The following RORB variants were observed in gnomAD, a reference collection of about 807,000 sequenced individuals.
RORB encodes the protein nuclear receptor ROR-beta.
Under a neutral mutation model 59.1 loss-of-function variants are expected in RORB, and 6 were observed. The observed-to-expected ratio is 0.10, with a 90% CI of 0.06 to 0.20. The LOEUF (loss-of-function observed/expected upper bound fraction) is 0.20. RORB is among the 10% of genes least tolerant of loss of function. The pLI is 1.00. For synonymous variants in RORB, 215 were observed against 204.5 expected (o/e 1.05, Z -0.44); for missense variants, 320 against 560.5 (o/e 0.57, Z 4.33).
intron 1 of RORB, among the ~76,000 whole-genome samples, chr9:74,610,612 G>A (rs1261701685): frequency 6.6e-6 from 1 of 152,110 alleles, no homozygotes; most frequent in East Asian, 1.9e-4. Context: ...ATTTGGGGGA[G>A]ACACACACAT....
chr9:74,598,025 A>G (rs914308444), intron 1 of RORB, among the ~76,000 whole-genome samples: 1 of 152,182 alleles, frequency 6.6e-6, no homozygotes, highest in African/African-American at 2.4e-5. Context: ...AGGTTAAATA[A>G]AATATATTAA....
At chr9:74,546,739 C>T (rs929937523) in intron 1 of RORB, among the ~76,000 whole-genome samples, 5 of 152,110 alleles carry the variant, frequency 3.3e-5, no homozygotes, top group African/African-American at 9.7e-5. Flanking sequence ...AATCAAAACC[C>T]ACCTAGAGAT....
At chr9:74,540,342 A>G (rs962993037) in intron 1 of RORB, among the ~76,000 whole-genome samples, 1 of 152,140 alleles carries the variant, frequency 6.6e-6, no homozygotes, top group East Asian at 1.9e-4. Context: ...GTGTAACCTC[A>G]GTCACATTAT....
At chr9:74,525,851 T>C (rs1158120413) in intron 1 of RORB, among the ~76,000 whole-genome samples, 1 of 151,946 alleles carries the variant, frequency 6.6e-6, no homozygotes, top group Non-Finnish European at 1.5e-5. Flanking sequence ...GATTTTCACG[T>C]AGAGCCAACG....
intron 1 of RORB, among the ~76,000 whole-genome samples, chr9:74,518,018 T>C (rs1415790420): frequency 6.6e-6 from 1 of 151,990 alleles, no homozygotes; most frequent in African/African-American, 2.4e-5. Flanking sequence ...AGATAGTATT[T>C]GAAGGAACTG....
At chr9:74,517,144 A>G (rs1256202107) in intron 1 of RORB, among the ~76,000 whole-genome samples, 2 of 151,998 alleles carry the variant, frequency 1.3e-5, no homozygotes, top group African/African-American at 2.4e-5. Context: ...TCAAAATTTC[A>G]TCTGAGTCTA....
chr9:74,648,345 T>C (rs1262450684), intron 4 of RORB, among the ~76,000 whole-genome samples: 1 of 152,176 alleles, frequency 6.6e-6, no homozygotes, highest in African/African-American at 2.4e-5. Context: ...TATTCAAAAT[T>C]AGTCCAGCTG....
intron 4 of RORB, among the ~76,000 whole-genome samples, chr9:74,658,728 C>G (rs957965970): frequency 6.6e-6 from 1 of 151,934 alleles, no homozygotes; most frequent in Non-Finnish European, 1.5e-5. Flanking sequence ...TTAGACTGCC[C>G]CGGTGAAATT....
At chr9:74,622,711 G>C (rs1823443955) in intron 1 of RORB, among the ~76,000 whole-genome samples, 1 of 151,728 alleles carries the variant, frequency 6.6e-6, no homozygotes, top group Non-Finnish European at 1.5e-5. Context: ...ATTTTTAGTA[G>C]AGACAGGGTT....
At chr9:74,541,580 G>C (rs1479046263) in intron 1 of RORB, among the ~76,000 whole-genome samples, 4 of 151,956 alleles carry the variant, frequency 2.6e-5, no homozygotes, top group African/African-American at 9.7e-5. Flanking sequence ...ACTATGTTTT[G>C]AAGTTTTAGA....
intron 1 of RORB, 24 bp from the exon 2 acceptor site, chr9:74,630,258 A>T (rs759761555): frequency 3.1e-6 from 5 of 1,610,036 alleles, no homozygotes; most frequent in Non-Finnish European, 4.2e-6. Flanking sequence ...CTGTATGCTC[A>T]AAATGTCTGT....
chr9:74,634,591 T>C (rs372966218), intron 2 of RORB, 40 bp from the exon 3 acceptor site: 4 of 1,549,604 alleles, frequency 2.6e-6, no homozygotes, highest in African/African-American at 2.8e-5. Context: ...GTTTCCCTTC[T>C]TATAAATCTG....
At chr9:74,526,567 A>G (rs565526968) in intron 1 of RORB, among the ~76,000 whole-genome samples, 14 of 151,940 alleles carry the variant, frequency 9.2e-5, no homozygotes, top group Non-Finnish European at 1.9e-4. Flanking sequence ...ATGCATCTGT[A>G]AGACATCCAA....
intron 1 of RORB, among the ~76,000 whole-genome samples, chr9:74,602,003 G>A (rs894834794): frequency 6.6e-6 from 1 of 152,102 alleles, no homozygotes; most frequent in Non-Finnish European, 1.5e-5. Flanking sequence ...CGGTGTGCTG[G>A]CCAGTCCCAC....
intron 4 of RORB, among the ~76,000 whole-genome samples, chr9:74,650,080 T>C (rs1176031746): frequency 6.6e-6 from 1 of 152,192 alleles, no homozygotes; most frequent in East Asian, 1.9e-4. Context: ...AAAGCCATAG[T>C]AATTATAAAA....
chr9:74,606,502 C>T (rs2118340301), intron 1 of RORB, among the ~76,000 whole-genome samples: 1 of 152,318 alleles, frequency 6.6e-6, no homozygotes, highest in East Asian at 1.9e-4. Flanking sequence ...GGGAAAAGAA[C>T]CGTGCACAGT....
chr9:74,678,755 G>C (rs376426103), intron 9 of RORB, among the ~76,000 whole-genome samples: 1 of 152,022 alleles, frequency 6.6e-6, no homozygotes, highest in South Asian at 2.1e-4. Context: ...AATGGGATGG[G>C]CCAGGCGCTA....
intron 1 of RORB, among the ~76,000 whole-genome samples, chr9:74,540,348 A>G (rs572042865): frequency 1.2e-4 from 19 of 152,316 alleles, no homozygotes; most frequent in Non-Finnish European, 1.9e-4. Context: ...CCTCAGTCAC[A>G]TTATTTAACC....
intron 9 of RORB, among the ~76,000 whole-genome samples, chr9:74,683,296 C>A (rs1320968483): frequency 6.6e-6 from 1 of 152,104 alleles, no homozygotes; most frequent in South Asian, 2.1e-4. Flanking sequence ...CTGTGTGAGC[C>A]AGCTGGTTAA....
Sources: allele counts gnomAD v4.1 joint callset (sites outside exome capture counted in the v4.1 genomes callset), GRCh38; gene constraint gnomAD v4.1.1; transcripts MANE v1.5; gene names NCBI Gene and HGNC (gene_info 2026-07-23, HGNC 2026-07-21).